PHACTR2: variants seen among roughly 807,000 people sequenced by gnomAD.
The protein encoded by PHACTR2 is phosphatase and actin regulator 2, also known as chromosome 6 open reading frame 56.
PHACTR2 carries 30 observed loss-of-function variants against 76.0 expected under a neutral mutation model. The observed-to-expected ratio is 0.39, with a 90% CI of 0.30 to 0.54. The LOEUF (loss-of-function observed/expected upper bound fraction) is 0.54. Among genes scored for constraint, PHACTR2 ranks in the 20% least tolerant of loss-of-function variants. The pLI, the probability that PHACTR2 is intolerant of heterozygous loss-of-function variation, is 0.61. For missense variants in PHACTR2, 696 were observed against 781.1 expected, an observed-to-expected ratio of 0.89 and a Z score of 1.30; for synonymous variants, 292 against 292.5, an observed-to-expected ratio of 1.00 and a Z score of 0.02.
chr6:143,768,061 C>G (rs1166328575), intron 6 of PHACTR2, among the ~76,000 whole-genome samples: 1 of 152,158 alleles, frequency 6.6e-6, no homozygotes, highest in African/African-American at 2.4e-5. Flanking sequence ...TGGTCTTGAA[C>G]TCTTGACCTT....
intron 1 of PHACTR2, among the ~76,000 whole-genome samples, chr6:143,563,495 G>A (rs1163888118): frequency 6.9e-6 from 1 of 145,730 alleles, no homozygotes; most frequent in Non-Finnish European, 1.5e-5. Context: ...GGTGGAGATT[G>A]CAGTGAGCCA....
At chr6:143,752,817 C>G (rs1779214717) in intron 3 of PHACTR2, among the ~76,000 whole-genome samples, 1 of 152,112 alleles carries the variant, frequency 6.6e-6, no homozygotes, top group South Asian at 2.1e-4. Context: ...CTCAAACCTT[C>G]CATTTGTTAA....
chr6:143,627,528 T>C lies in PHACTR2; in HGVS notation c.13+19206T>C, dbSNP rs1776280937. Among the ~76,000 whole-genome samples the C allele has an allele frequency of 6.6e-6, 1 of 152,192 alleles. No homozygotes were observed. The highest frequency in any genetic ancestry group is 1.5e-5 in the Non-Finnish European group (1 of 68,040). ...TTTTTGTATTAAGGTGAGATTCGCA[T>C]GACATAAAATTAACTATTTTGAAGT... On this transcript the variant is annotated intron_variant, in intron 1 of 11. Transcript: ENST00000305766. This position sits in a 1 kb window ranked among gnomAD's most constrained non-coding sequence, Gnocchi z 4.3.
At chr6:143,609,414 A>G (rs1775942341) in intron 1 of PHACTR2, among the ~76,000 whole-genome samples, 1 of 152,156 alleles carries the variant, frequency 6.6e-6, no homozygotes, top group African/African-American at 2.4e-5. Flanking sequence ...GTATAATATC[A>G]GGGATGAAAA....
At chr6:143,551,909 G>T (rs1320743025) in intron 1 of PHACTR2, among the ~76,000 whole-genome samples, 1 of 152,090 alleles carries the variant, frequency 6.6e-6, no homozygotes, top group African/African-American at 2.4e-5. Context: ...ATTGCCTTGG[G>T]TATCACTGGA....
rs1775175703 is a variant in PHACTR2 at position 143,556,425 on chromosome 6, C to A, written c.217+19218C>A. ...TACTAAATGGAGAAAACATTGAAGG[C>A]AGCCAGCTTGATAGAATCATCAAAA... On this transcript the variant is annotated intron_variant, in intron 1 of 11. Transcript: ENST00000367584. This position sits in a 1 kb window ranked among gnomAD's most constrained non-coding sequence, Gnocchi z 4.3. Among the ~76,000 whole-genome samples, 1 of 152,192 alleles carries A rather than the reference C, an allele frequency of 6.6e-6. No individual in the cohort carries two copies. Among genetic ancestry groups the A allele is most frequent in the Admixed American group, 6.5e-5 (1 of 15,286 alleles).
intron 1 of PHACTR2, among the ~76,000 whole-genome samples, chr6:143,640,820 C>T (rs1338534): frequency 0.28 from 42,813 of 151,970 alleles, 6,125 homozygotes; most frequent in Middle Eastern, 0.38. Context: ...GAAAAAAAGA[C>T]CTTTACAGGT....
Position 143,547,896 on chromosome 6 carries a change from C to A in PHACTR2, c.217+10689C>A, listed in dbSNP as rs374111133. On this transcript the variant is annotated intron_variant, in intron 1 of 11. Coordinates refer to the PHACTR2 transcript ENST00000367584. The surrounding 1 kb of genome is among the most constrained non-coding windows in gnomAD (Gnocchi z 4.2). ...TGTATGTATGTACGTATGTATCTAT[C>A]TATCTATCTATCATCTATCTATCCA... Among the ~76,000 whole-genome samples, 1 of 152,158 alleles carries A rather than the reference C, an allele frequency of 6.6e-6. No individual in the cohort carries two copies. The highest frequency in any genetic ancestry group is 1.5e-5 in the Non-Finnish European group (1 of 68,038).
upstream of PHACTR2, among the ~76,000 whole-genome samples, chr6:143,605,153 G>T (rs1455374655): frequency 6.6e-6 from 1 of 151,952 alleles, no homozygotes; most frequent in African/African-American, 2.4e-5. The surrounding 1 kb of genome is among the most constrained non-coding windows in gnomAD (Gnocchi z 5.0). Context: ...GATAGTGAGG[G>T]GTTGTGTCCT....
chr6:143,636,742 G>A (rs988639957), intron 1 of PHACTR2, among the ~76,000 whole-genome samples: 1 of 152,108 alleles, frequency 6.6e-6, no homozygotes, highest in East Asian at 1.9e-4. Context: ...CAGGTCATTT[G>A]TATATTATTG....
rs959306058 is a variant in PHACTR2, at chr6:143,539,906, C to G, written c.217+2699C>G. On this transcript the variant is annotated intron_variant, in intron 1 of 11. Coordinates refer to the PHACTR2 transcript ENST00000367584. The surrounding 1 kb of genome is among the most constrained non-coding windows in gnomAD (Gnocchi z 4.3). ...ACAACGAAGCAACCTGTGGCTGGGT[C>G]GCACACCTAGGGATTCTGATTTCAT... Among the ~76,000 whole-genome samples the G allele has an allele frequency of 1.3e-5, 2 of 152,174 alleles. No individual in the cohort carries two copies. Among genetic ancestry groups the G allele is most frequent in the African/African-American group, 2.4e-5 (1 of 41,428 alleles).
In PHACTR2 at chr6:143,624,679, T is replaced by A. The variant is rs1226790498; in HGVS notation, c.13+16357T>A. Among the ~76,000 whole-genome samples the A allele has an allele frequency of 2.0e-5, 3 of 152,086 alleles. No individual in the cohort carries two copies. The highest frequency in any genetic ancestry group is 2.9e-5 in the Non-Finnish European group (2 of 68,026). ...TGGGGACATGTGTTCAATCTGCCCT[T>A]GAGGAGCTCCAGGCCTAAAGCTGGA... On this transcript the variant is annotated intron_variant, in intron 1 of 11. Coordinates refer to the PHACTR2 transcript ENST00000305766. The surrounding 1 kb of genome is among the most constrained non-coding windows in gnomAD (Gnocchi z 4.6).
chr6:143,777,245 A>T lies in PHACTR2; in HGVS notation c.1590-83A>T. ...GATTTTTATTTCTCAAAACATGAAA[A>T]ATAGAGCTTTGTTGTTTTATTCTGA... On this transcript the variant is annotated intron_variant, in intron 8 of 12. Coordinates refer to ENST00000440869, the MANE Select transcript of PHACTR2 (RefSeq NM_001100164.2). The surrounding 1 kb of genome is among the most constrained non-coding windows in gnomAD (Gnocchi z 4.6). 1 of 690,484 alleles carries T rather than the reference A, an allele frequency of 1.4e-6. No individual in the cohort carries two copies. The highest frequency in any genetic ancestry group is 2.5e-6 in the Non-Finnish European group (1 of 403,638). 42.8% of individuals were successfully genotyped at this position (690,484 alleles called of 1,614,324 possible). A position where few individuals can be genotyped will look rare whatever the true frequency, so the allele number is the denominator to read the frequency against.
Position 143,821,622 on chromosome 6 carries a change from T to C in PHACTR2, c.1923-2052T>C, listed in dbSNP as rs1257001786. ...GGAAAGAGAGCAATTAGTGCTTCCC[T>C]GAGCAGTGGAGAAAAGAGTTTGGAG... On this transcript the variant is annotated intron_variant, in intron 12 of 12. Coordinates refer to ENST00000440869, the MANE Select transcript of PHACTR2 (RefSeq NM_001100164.2). This position sits in a 1 kb window ranked among gnomAD's most constrained non-coding sequence, Gnocchi z 5.2. 2.6e-5 allele frequency among the ~76,000 whole-genome samples: 4 copies of C among 152,204 alleles called. No individual in the cohort carries two copies. The highest frequency in any genetic ancestry group is 9.7e-5 in the African/African-American group (4 of 41,448).
At position 143,714,723 on chromosome 6, in the gene PHACTR2, C is replaced by T. The variant is rs147640709; in HGVS notation, c.214+2540C>T. ...TTCCGTCCACTTCTCTCAGATACCC[C>T]CCTTCATTTCTTTTCTTCTCCTGCA... On this transcript the variant is annotated intron_variant, in intron 2 of 12. Coordinates refer to ENST00000440869, the MANE Select transcript of PHACTR2 (RefSeq NM_001100164.2). Among the ~76,000 whole-genome samples, 118 of 152,160 alleles carry T rather than the reference C, an allele frequency of 7.8e-4. No homozygotes were observed. In the Middle Eastern group the frequency reaches 0.01, roughly 13 times the overall value.
chr6:143,569,234 C>G (rs781661021), intron 1 of PHACTR2, among the ~76,000 whole-genome samples: 1 of 152,078 alleles, frequency 6.6e-6, no homozygotes, highest in Non-Finnish European at 1.5e-5. Context: ...GTGAGAAGCT[C>G]GTGCATAATT....
rs66800720 is a variant in PHACTR2 at position 143,618,256 on chromosome 6, A to AAC, written c.13+9963_13+9964dup. On this transcript the variant is annotated intron_variant, in intron 1 of 11. Coordinates refer to the PHACTR2 transcript ENST00000305766. This position sits in a 1 kb window ranked among gnomAD's most constrained non-coding sequence, Gnocchi z 5.2. The stretch of plus-strand genomic sequence containing the variant: ...GTTCCACCTTGTACTTCCTGCTCCA[A>AAC]ACACACACACACACACACACACACA... Among the ~76,000 whole-genome samples the AAC allele has an allele frequency of 0.5, 73,159 of 145,142 alleles. 20,439 individuals carry two copies. The highest frequency in any genetic ancestry group is 0.66 in the Non-Finnish European group (43,929 of 66,132).
intron 1 of PHACTR2, among the ~76,000 whole-genome samples, chr6:143,552,677 G>A (rs555095810): frequency 1.3e-5 from 2 of 152,260 alleles, no homozygotes; most frequent in South Asian, 4.1e-4. Context: ...GCCAAGGCAG[G>A]TGGATCACTT....
chr6:143,732,319 T>C (rs1778718188), intron 2 of PHACTR2, among the ~76,000 whole-genome samples: 1 of 152,232 alleles, frequency 6.6e-6, no homozygotes. Context: ...CCAGCTCTAC[T>C]TTCTATCTCT....
Sources: gnomAD v4.1 joint callset for allele counts (sites outside exome capture counted in the v4.1 genomes callset) on GRCh38, gnomAD v4.1.1 for gene constraint, Gnocchi (gnomAD v3.1) non-coding constraint, MANE v1.5 for transcripts, NCBI Gene and HGNC (gene_info 2026-07-23, HGNC 2026-07-21) for gene names.